TOX: variants seen among roughly 807,000 people sequenced by gnomAD.
The protein encoded by TOX is thymocyte selection-associated high mobility group box protein TOX.
Under a neutral mutation model 53.7 loss-of-function variants are expected in TOX, and 11 were observed. The ratio of observed to expected loss-of-function variants is 0.20; its 90% CI spans 0.13 to 0.34. The LOEUF (loss-of-function observed/expected upper bound fraction) is 0.34. Ranked by LOEUF, TOX falls within the 10% of genes least tolerant of loss-of-function variation. The pLI, the probability that TOX is intolerant of heterozygous loss-of-function variation, is 1.00. For missense variants in TOX, 570 were observed against 664.6 expected (o/e 0.86, Z 1.56); for synonymous variants, 225 against 245.3 (o/e 0.92, Z 0.77).
intron 3 of TOX, among the ~76,000 whole-genome samples, chr8:58,853,614 C>T (rs1014685971): frequency 2.6e-5 from 4 of 152,144 alleles, no homozygotes; most frequent in Non-Finnish European, 5.9e-5. Flanking sequence ...CTGTGTTAAG[C>T]AGCTGATTCA....
At chr8:58,997,472 C>T (rs974818936) in intron 1 of TOX, among the ~76,000 whole-genome samples, 11 of 152,164 alleles carry the variant, frequency 7.2e-5, no homozygotes, top group Non-Finnish European at 1.3e-4. Flanking sequence ...TCCTAGGCCT[C>T]AAGGCTTCAG....
At chr8:58,987,087 A>G (rs1585943909) in intron 1 of TOX, among the ~76,000 whole-genome samples, 1 of 152,232 alleles carries the variant, frequency 6.6e-6, no homozygotes, top group East Asian at 1.9e-4. Context: ...TCCAGAAGAG[A>G]TTCGTTTTCT....
At chr8:58,832,213 AAT>A (rs1009307265) in intron 5 of TOX, among the ~76,000 whole-genome samples, 3 of 148,136 alleles carry the variant, frequency 2.0e-5, no homozygotes, top group Non-Finnish European at 3.0e-5. Context: ...TAATATATGT[AAT>A]ATATATATAA....
At chr8:58,820,277 TA>T (rs11457153) in intron 6 of TOX, among the ~76,000 whole-genome samples, 373 of 147,372 alleles carry the variant, frequency 2.5e-3, no homozygotes, top group Middle Eastern at 3.5e-3. Context: ...TTCTGTACGT[TA>T]AAAAAAAAAA....
At chr8:58,961,636 T>A (rs1812799236) in intron 1 of TOX, among the ~76,000 whole-genome samples, 1 of 152,004 alleles carries the variant, frequency 6.6e-6, no homozygotes, top group African/African-American at 2.4e-5. Context: ...CAAGTGATTC[T>A]CCTGCCTCAG....
chr8:59,020,361 C>T (rs972743316), intron 1 of TOX, among the ~76,000 whole-genome samples: 71 of 152,254 alleles, frequency 4.7e-4, no homozygotes, highest in African/African-American at 1.6e-3. Flanking sequence ...GATGTCCCAC[C>T]CGCTGTGAGG....
rs1471664114 is a variant in TOX, at chr8:58,915,840, T to A, written c.411+23462A>T. 2.2e-5 allele frequency among the ~76,000 whole-genome samples: 3 copies of A among 137,858 alleles called. No homozygotes were observed. In the East Asian group the frequency reaches 6.6e-4, roughly 30 times the overall value. The allele number at this position is 137,858 out of a possible 152,430, so 90.4% of individuals were successfully genotyped here. ...AAGAATGTATAACTAGAATAACCAA[T>A]ACAGAGAAGTGCTTAAAGGAGCTGA... On this transcript the variant is annotated intron_variant, in intron 3 of 8. Transcript: ENST00000361421.
chr8:59,046,858 C>CAAAAAAAAAAAAAAAAAAAAAA (rs34869193), intron 1 of TOX, among the ~76,000 whole-genome samples: 1 of 77,910 alleles, frequency 1.3e-5, no homozygotes, highest in Admixed American at 1.8e-4. Context: ...GACTATGTCT[C>CAAAAAAAAAAAAAAAAAAAAAA]AAAAAAAAAA....
At chr8:58,927,524 C>T (rs17232203) in intron 3 of TOX, among the ~76,000 whole-genome samples, 11,541 of 152,224 alleles carry the variant, frequency 0.076, 610 homozygotes, top group Admixed American at 0.17. Flanking sequence ...AGATGAGAAT[C>T]GCACCTCCCA....
At chr8:58,817,229 C>T (rs1391850124) in intron 6 of TOX, among the ~76,000 whole-genome samples, 1 of 152,110 alleles carries the variant, frequency 6.6e-6, no homozygotes, top group Admixed American at 6.5e-5. Context: ...CCCTGTGTCA[C>T]ACTGTTGATG....
intron 3 of TOX, among the ~76,000 whole-genome samples, chr8:58,883,267 G>A (rs552042937): frequency 1.3e-5 from 2 of 152,160 alleles, no homozygotes; most frequent in Non-Finnish European, 2.9e-5. Flanking sequence ...TCAGACAGGA[G>A]GTCTTGCCTT....
intron 3 of TOX, among the ~76,000 whole-genome samples, chr8:58,899,968 CT>C (rs530645845): frequency 7.1e-4 from 103 of 144,104 alleles, no homozygotes; most frequent in Non-Finnish European, 6.5e-4. Context: ...ATTTTCAATG[CT>C]TTTTTTTTTT....
chr8:59,115,968 T>C (rs910925387), intron 1 of TOX, among the ~76,000 whole-genome samples: 5 of 152,048 alleles, frequency 3.3e-5, no homozygotes, highest in African/African-American at 1.2e-4. Flanking sequence ...TGGCAATCTA[T>C]AGAGCAGCAG....
intron 1 of TOX, among the ~76,000 whole-genome samples, chr8:59,042,479 T>G (rs1259015916): frequency 6.6e-6 from 1 of 152,206 alleles, no homozygotes; most frequent in Non-Finnish European, 1.5e-5. Context: ...CTGAGAATAA[T>G]TTACTTCTTT....
At chr8:58,816,294 C>T (rs1418170092) in intron 6 of TOX, among the ~76,000 whole-genome samples, 4 of 152,172 alleles carry the variant, frequency 2.6e-5, no homozygotes, top group Non-Finnish European at 4.4e-5. Context: ...TTCAAAGTAA[C>T]TGCAGAACTT....
chr8:59,046,358 T>C (rs1216661184), intron 1 of TOX, among the ~76,000 whole-genome samples: 1 of 152,206 alleles, frequency 6.6e-6, no homozygotes, highest in Non-Finnish European at 1.5e-5. Flanking sequence ...CTGTTATTCA[T>C]TATTTATTTC....
chr8:59,034,407 T>C (rs1482814717), intron 1 of TOX, among the ~76,000 whole-genome samples: 1 of 152,238 alleles, frequency 6.6e-6, no homozygotes, highest in African/African-American at 2.4e-5. Context: ...TATAGCCTTA[T>C]CCAGATATCC....
intron 1 of TOX, among the ~76,000 whole-genome samples, chr8:59,023,789 G>C (rs1209895215): frequency 1.3e-5 from 2 of 152,136 alleles, no homozygotes; most frequent in African/African-American, 4.8e-5. Context: ...ACGGGTTCCT[G>C]TCCTTCTAAA....
At chr8:59,096,279 G>A (rs902135103) in intron 1 of TOX, among the ~76,000 whole-genome samples, 1 of 152,176 alleles carries the variant, frequency 6.6e-6, no homozygotes, top group Non-Finnish European at 1.5e-5. Context: ...GTGGCCATTT[G>A]AGGAGCTTTT....
Sources: gnomAD v4.1 joint callset for allele counts (sites outside exome capture counted in the v4.1 genomes callset) on GRCh38, gnomAD v4.1.1 for gene constraint, MANE v1.5 for transcripts, NCBI Gene and HGNC (gene_info 2026-07-23, HGNC 2026-07-21) for gene names.